GTF3C3: variants seen among roughly 807,000 people sequenced by gnomAD.
GTF3C3 encodes general transcription factor 3C polypeptide 3.
A neutral mutation model predicts 105.2 loss-of-function variants in GTF3C3; 75 were observed. The ratio of observed to expected loss-of-function variants is 0.71; its 90% CI spans 0.59 to 0.86. GTF3C3 has a LOEUF of 0.86. GTF3C3 is among the 40% of genes least tolerant of loss of function. GTF3C3 has a pLI of 0.00. For synonymous variants in GTF3C3, 335 were observed against 370.4 expected (o/e 0.90, Z 1.10); for missense variants, 856 against 1,076.5 (o/e 0.80, Z 2.87).
intron 1 of GTF3C3, among the ~76,000 whole-genome samples, chr2:196,798,479 G>A (rs1287937980): frequency 1.3e-5 from 2 of 152,048 alleles, no homozygotes; most frequent in South Asian, 2.1e-4. Context: ...AGCTGAGATC[G>A]CGTCACTGCA....
intron 8 of GTF3C3, among the ~76,000 whole-genome samples, chr2:196,781,381 TATATATAA>T (rs1288017010): frequency 2.3e-4 from 28 of 121,010 alleles, no homozygotes; most frequent in African/African-American, 8.1e-4. Flanking sequence ...TATATATATA[TATATATAA>T]AATTAAATAA....
rs545095137 is a variant in GTF3C3 at position 196,766,475 on chromosome 2, C to T, written c.2538+90G>A. 66 of 901,752 alleles carry T rather than the reference C, an allele frequency of 7.3e-5. No homozygotes were observed. In the South Asian group the frequency reaches 9.0e-4, roughly 12 times the overall value. 55.9% of individuals were successfully genotyped at this position (901,752 alleles called of 1,614,324 possible). ...ATAAGAGAAAATACATTTTAATATA[C>T]GAGCTATAATTTACTGGCTGGACTT... On this transcript the variant is annotated intron_variant, in intron 17 of 17. Coordinates refer to ENST00000263956, the MANE Select transcript of GTF3C3 (RefSeq NM_012086.5).
At chr2:196,773,543 G>A in intron 13 of GTF3C3, 1 of 303,774 alleles carries the variant, frequency 3.3e-6, no homozygotes, top group African/African-American at 2.2e-5. Context: ...TTCATGCAAG[G>A]CAATTTTTCC....
chr2:196,774,824 C>G (rs1455825830), intron 13 of GTF3C3, among the ~76,000 whole-genome samples: 1 of 152,142 alleles, frequency 6.6e-6, no homozygotes, highest in Non-Finnish European at 1.5e-5. Context: ...GTCATCTAAT[C>G]TTCACAAATT....
intron 16 of GTF3C3, among the ~76,000 whole-genome samples, chr2:196,769,679 G>T (rs945256816): frequency 2.0e-5 from 3 of 152,052 alleles, no homozygotes; most frequent in Non-Finnish European, 4.4e-5. Flanking sequence ...GATTCTGCCT[G>T]TGTCTTTGTC....
rs1207553833 is a variant in GTF3C3, at chr2:196,776,319, C to T, written c.1593+108G>A. 4 of 929,114 alleles carry T rather than the reference C, an allele frequency of 4.3e-6. No homozygotes were observed. The highest frequency in any genetic ancestry group is 2.4e-5 in the East Asian group (1 of 40,926). The allele number at this position is 929,114 out of a possible 1,614,324, so 57.6% of individuals were successfully genotyped here. ...AAATCATTTTTCAAAAACTTGAATACACTAAAATAAAATTTTGGATATAAG... is the reference window on the plus strand; with the variant it reads ...AAATCATTTTTCAAAAACTTGAATATACTAAAATAAAATTTTGGATATAAG... On this transcript the variant is annotated intron_variant, in intron 11 of 17. Transcript: ENST00000263956. The surrounding 1 kb of genome is among the most constrained non-coding windows in gnomAD (Gnocchi z 4.5).
Position 196,799,660 on chromosome 2 carries a change from G to A in GTF3C3, c.-49C>T, listed in dbSNP as rs866107164. On this transcript the variant is annotated 5_prime_UTR_variant, in exon 1 of 18. Coordinates refer to ENST00000263956, the MANE Select transcript of GTF3C3 (RefSeq NM_012086.5). ...CCCCAGGAACCGGGACAGAGAACCG[G>A]AAGAGCAGCGCCTTCCAGAAGCTAC... is the stretch of plus-strand genomic sequence containing the variant. 3.0e-6 allele frequency: 4 copies of A among 1,348,114 alleles called. No homozygotes were observed. The highest frequency in any genetic ancestry group is 4.3e-6 in the Non-Finnish European group (4 of 939,432). The allele number at this position is 1,348,114 out of a possible 1,614,324, so 83.5% of individuals were successfully genotyped here. A position where few individuals can be genotyped will look rare whatever the true frequency, so the allele number is the denominator to read the frequency against.
At chr2:196,768,223 G>A (rs922385464) in intron 16 of GTF3C3, among the ~76,000 whole-genome samples, 3 of 145,492 alleles carry the variant, frequency 2.1e-5, no homozygotes, top group South Asian at 2.2e-4. Flanking sequence ...CACCATATTG[G>A]CCAGGCTGGT....
chr2:196,774,200 C>G (rs1034187202), intron 13 of GTF3C3, among the ~76,000 whole-genome samples: 1 of 152,134 alleles, frequency 6.6e-6, no homozygotes, highest in Non-Finnish European at 1.5e-5. Context: ...AATTTTCCTT[C>G]TGAGAATCTA....
chr2:196,784,148 G>A (rs978678246), intron 8 of GTF3C3, among the ~76,000 whole-genome samples: 2 of 152,168 alleles, frequency 1.3e-5, no homozygotes, highest in Non-Finnish European at 2.9e-5. Context: ...CACGGAAGGA[G>A]CTGTTATGAA....
intron 8 of GTF3C3, among the ~76,000 whole-genome samples, chr2:196,783,425 G>C (rs1699401928): frequency 6.6e-6 from 1 of 152,104 alleles, no homozygotes; most frequent in Admixed American, 6.5e-5. Context: ...AAAATCTTAA[G>C]CAGAAATTAT....
chr2:196,773,186 A>G (rs1559298698), intron 13 of GTF3C3, 33 bp from the exon 14 acceptor site: 4 of 1,188,226 alleles, frequency 3.4e-6, no homozygotes, highest in Non-Finnish European at 3.7e-6. Flanking sequence ...CAGTTAGGAC[A>G]CTGTATTTCC....
Position 196,780,571 on chromosome 2 carries a change from A to C in GTF3C3, c.1206T>G (p.Leu402=). The change falls in exon 9 of 18, where the codon CTT becomes CTG. Residue 402 remains leucine, a synonymous_variant. Coordinates refer to ENST00000263956, the MANE Select transcript of GTF3C3 (RefSeq NM_012086.5). The stretch of plus-strand genomic sequence containing the variant: ...TCTTGTTACATACATTAAGTGGTTC[A>C]AGAATGTTGAGATGTACAAGGCAGA... ...LMVCLVHLNI[L]EPLNPLLTTL... 21 of 1,613,342 alleles carry C rather than the reference A, an allele frequency of 1.3e-5. No individual in the cohort carries two copies. Among genetic ancestry groups the C allele is most frequent in the Non-Finnish European group, 1.8e-5 (21 of 1,179,508 alleles).
chr2:196,784,153 T>C lies in GTF3C3; in HGVS notation c.1114+704A>G, dbSNP rs534180968. On this transcript the variant is annotated intron_variant, in intron 8 of 17. Coordinates refer to ENST00000263956, the MANE Select transcript of GTF3C3 (RefSeq NM_012086.5). ...CATGACAGGCCACGGAAGGAGCTGTTATGAACCAGGCAGGACTCAGTACCA... is the reference window on the plus strand; with the variant it reads ...CATGACAGGCCACGGAAGGAGCTGTCATGAACCAGGCAGGACTCAGTACCA... Among the ~76,000 whole-genome samples, 3 of 152,286 alleles carry C rather than the reference T, an allele frequency of 2.0e-5. No individual in the cohort carries two copies. The South Asian group carries it at 6.2e-4, about 32-fold the overall frequency.
rs1168257706 is a variant in GTF3C3, at chr2:196,789,919, T to C, written c.687A>G (p.Glu229=). 1 of 1,611,388 alleles carries C rather than the reference T, an allele frequency of 6.2e-7. No homozygotes were observed. Among genetic ancestry groups the C allele is most frequent in the South Asian group, 1.1e-5 (1 of 90,330 alleles). The change falls in exon 5 of 18, where the codon GAA becomes GAG. Residue 229 remains glutamate, a synonymous_variant. Coordinates refer to ENST00000263956, the MANE Select transcript of GTF3C3 (RefSeq NM_012086.5). ...EWVRLAEMSL[E]QDNIKQAIFC... is the part of the protein sequence containing the mutation. Reference sequence around the variant, plus strand: ...AAATAGCCTGCTTAATATTGTCTTGTTCCAGAGACATTTCTGCCAGTCTAA... The same window carrying C: ...AAATAGCCTGCTTAATATTGTCTTGCTCCAGAGACATTTCTGCCAGTCTAA...
rs993436200 is a variant in GTF3C3 at position 196,789,429 on chromosome 2, G to A, written c.728-60C>T. On this transcript the variant is annotated intron_variant, in intron 5 of 17. Transcript: ENST00000263956. ...AAAGGGGTGCATGGTACCTGGGTGT[G>A]ATCCATCATCTCAGAAAATTTAATA... The A allele has an allele frequency of 3.0e-4, 344 of 1,161,592 alleles. 2 individuals are homozygous for A. Among genetic ancestry groups the A allele is most frequent in the Non-Finnish European group, 3.8e-5 (32 of 831,226 alleles). 72.0% of individuals were successfully genotyped at this position (1,161,592 alleles called of 1,614,324 possible).
rs993588310 is a variant in GTF3C3, at chr2:196,797,660, T to C, written c.214+137A>G. On this transcript the variant is annotated intron_variant, in intron 2 of 17. Coordinates refer to ENST00000263956, the MANE Select transcript of GTF3C3 (RefSeq NM_012086.5). ...AAATATTTATTGGGCACCTACTATATAACCAAGCATTCTGTTCCTGAAAAA... is the reference window on the plus strand; with the variant it reads ...AAATATTTATTGGGCACCTACTATACAACCAAGCATTCTGTTCCTGAAAAA... The C allele has an allele frequency of 6.5e-5, 40 of 613,340 alleles. No individual in the cohort carries two copies. The African/African-American group carries it at 7.0e-4, about 11-fold the overall frequency. 38.0% of individuals were successfully genotyped at this position (613,340 alleles called of 1,614,324 possible).
At position 196,764,056 on chromosome 2, in the gene GTF3C3, C is replaced by T. The variant is rs902217328; in HGVS notation, c.*507G>A. The stretch of plus-strand genomic sequence containing the variant: ...ATACATGCTGGTGAAAAGTAAAAAA[C>T]TAAATTATTTGTCTTTCTGCCTACC... On this transcript the variant is annotated 3_prime_UTR_variant, in exon 18 of 18. Coordinates refer to ENST00000263956, the MANE Select transcript of GTF3C3 (RefSeq NM_012086.5). 3 of 152,180 alleles carry T rather than the reference C, an allele frequency of 2.0e-5. No individual in the cohort carries two copies. Among genetic ancestry groups the T allele is most frequent in the Admixed American group, 1.3e-4 (2 of 15,272 alleles). 9.4% of individuals were successfully genotyped at this position (152,180 alleles called of 1,614,324 possible).
At chr2:196,793,825 TA>T (rs1216346177) in intron 2 of GTF3C3, among the ~76,000 whole-genome samples, 3 of 152,216 alleles carry the variant, frequency 2.0e-5, no homozygotes, top group Non-Finnish European at 4.4e-5. Context: ...GATACCACCA[TA>T]GTATAATATA....
Sources: allele counts gnomAD v4.1 joint callset (sites outside exome capture counted in the v4.1 genomes callset), GRCh38; gene constraint gnomAD v4.1.1; non-coding constraint Gnocchi (gnomAD v3.1); transcripts MANE v1.5; gene names NCBI Gene and HGNC (gene_info 2026-07-23, HGNC 2026-07-21).